Variants in CPE observed in about 807,000 individuals in gnomAD.
The protein encoded by CPE is carbocypeptidase E.
A neutral mutation model predicts 53.5 loss-of-function variants in CPE; 17 were observed. The ratio of observed to expected loss-of-function variants is 0.32; its 90% confidence interval spans 0.22 to 0.48. The LOEUF is 0.48. CPE is among the 20% of genes least tolerant of loss of function. The pLI, the probability that CPE is intolerant of heterozygous loss-of-function variation, is 0.99. For missense variants in CPE, 524 were observed against 614.7 expected (o/e 0.85, Z 1.56); for synonymous variants, 226 against 228.8 (o/e 0.99, Z 0.11).
intron 1 of CPE, among the ~76,000 whole-genome samples, chr4:165,456,983 C>T (rs1242284093): frequency 1.3e-5 from 2 of 152,092 alleles, no homozygotes; most frequent in African/African-American, 4.8e-5. Context: ...TCGTGATCCA[C>T]CCGCCACTGC....
chr4:165,420,981 T>C (rs750081389), intron 1 of CPE, among the ~76,000 whole-genome samples: 2 of 152,232 alleles, frequency 1.3e-5, no homozygotes, highest in Non-Finnish European at 1.5e-5. Context: ...TTCTCTATTT[T>C]ATATAAATTT....
chr4:165,482,956 G>C (rs979892204), intron 4 of CPE, among the ~76,000 whole-genome samples: 2 of 151,758 alleles, frequency 1.3e-5, no homozygotes, highest in Admixed American at 6.6e-5. Context: ...TATTTTCTGG[G>C]GCCTTTGAAG....
intron 2 of CPE, among the ~76,000 whole-genome samples, chr4:165,466,203 T>G (rs959326503): frequency 6.6e-6 from 1 of 152,218 alleles, no homozygotes; most frequent in Non-Finnish European, 1.5e-5. Flanking sequence ...GCTACAAGTC[T>G]GTACAGCATG....
chr4:165,395,309 C>A (rs1448828284), intron 1 of CPE, among the ~76,000 whole-genome samples: 1 of 152,044 alleles, frequency 6.6e-6, no homozygotes. Flanking sequence ...ATTATTCAGA[C>A]AATTGCTTTA....
At chr4:165,475,546 CAA>C (rs1732283434) in intron 3 of CPE, among the ~76,000 whole-genome samples, 1 of 152,324 alleles carries the variant, frequency 6.6e-6, no homozygotes, top group African/African-American at 2.4e-5. Context: ...TGAAAGCAAA[CAA>C]GAGGCAGGCT....
intron 7 of CPE, among the ~76,000 whole-genome samples, chr4:165,494,309 G>A (rs61059174): frequency 0.029 from 4,484 of 152,262 alleles, 204 homozygotes; most frequent in African/African-American, 0.097. Context: ...ATTCCATGAT[G>A]TGAAATGTTT....
chr4:165,392,525 ATAT>A (rs202049714), intron 1 of CPE, among the ~76,000 whole-genome samples: 1,719 of 145,640 alleles, frequency 0.012, 15 homozygotes, highest in African/African-American at 0.028. Flanking sequence ...ATATATGTAT[ATAT>A]TATATTAAAT....
At chr4:165,404,497 T>C (rs1730921757) in intron 1 of CPE, 2 of 797,082 alleles carry the variant, frequency 2.5e-6, no homozygotes, top group Non-Finnish European at 2.3e-6. Context: ...ACACCATCTA[T>C]GTCAGTAGTT....
chr4:165,487,296 G>T (rs1413523696), intron 5 of CPE, 142 bp from the exon 6 acceptor site: 2 of 1,088,634 alleles, frequency 1.8e-6, no homozygotes, highest in Non-Finnish European at 2.6e-6. Context: ...TACAGCAGAT[G>T]ATTTCCCTTA....
intron 1 of CPE, among the ~76,000 whole-genome samples, chr4:165,442,298 C>T (rs1196974273): frequency 6.6e-6 from 1 of 152,060 alleles, no homozygotes; most frequent in African/African-American, 2.4e-5. Context: ...CCTGCCTCAG[C>T]CTCTCAAAGT....
intron 1 of CPE, among the ~76,000 whole-genome samples, chr4:165,414,909 G>C (rs1017216756): frequency 6.6e-6 from 1 of 151,066 alleles, no homozygotes; most frequent in Admixed American, 6.6e-5. Flanking sequence ...CAAAATGCCA[G>C]ATTGGAAAAA....
At chr4:165,456,739 ATT>A (rs35855408) in intron 1 of CPE, among the ~76,000 whole-genome samples, 9 of 101,184 alleles carry the variant, frequency 8.9e-5, no homozygotes, top group Non-Finnish European at 1.1e-4. Flanking sequence ...TGCCCAGCTA[ATT>A]TTTTTTTTTT....
In CPE at chr4:165,482,376, C is replaced by T. The variant is rs1448185898; in HGVS notation, c.790+17C>T. On this transcript the variant is annotated intron_variant, in intron 4 of 8. Coordinates refer to ENST00000402744, the MANE Select transcript of CPE (RefSeq NM_001873.4). Reference sequence around the variant, plus strand: ...CGCGGAGTGGTAGGTATTCTTTCTGCTTCTCTTATTGGTTCAAAGTTTATA... The same window carrying T: ...CGCGGAGTGGTAGGTATTCTTTCTGTTTCTCTTATTGGTTCAAAGTTTATA... The T allele has an allele frequency of 1.3e-6, 2 of 1,536,088 alleles. No homozygotes were observed. Among genetic ancestry groups the T allele is most frequent in the South Asian group, 1.1e-5 (1 of 89,126 alleles).
intron 3 of CPE, among the ~76,000 whole-genome samples, chr4:165,476,199 G>A (rs914340548): frequency 1.3e-5 from 2 of 152,166 alleles, no homozygotes; most frequent in African/African-American, 4.8e-5. Flanking sequence ...AGGAAGTAAA[G>A]TACACTTGGA....
intron 1 of CPE, among the ~76,000 whole-genome samples, chr4:165,385,097 A>T (rs1730568565): frequency 6.6e-6 from 1 of 152,186 alleles, no homozygotes; most frequent in Non-Finnish European, 1.5e-5. Context: ...TTCCTTGTGT[A>T]TGACAAGGGA....
chr4:165,458,438 G>C (rs534150718), intron 1 of CPE, among the ~76,000 whole-genome samples: 3 of 152,248 alleles, frequency 2.0e-5, no homozygotes, highest in South Asian at 4.1e-4. Context: ...ACTTCCAAAT[G>C]AATTAGTGCA....
chr4:165,424,442 A>C (rs1731282773), intron 1 of CPE, among the ~76,000 whole-genome samples: 1 of 151,818 alleles, frequency 6.6e-6, no homozygotes, highest in South Asian at 2.1e-4. Flanking sequence ...GTTTGATTTT[A>C]TTATTTTTAT....
chr4:165,382,328 C>G (rs28436960), intron 1 of CPE, among the ~76,000 whole-genome samples: 115 of 152,322 alleles, frequency 7.5e-4, no homozygotes, highest in African/African-American at 2.6e-3. Flanking sequence ...TCTGTCTTCA[C>G]TAGGACCCCT....
At chr4:165,451,916 G>A (rs72976126) in intron 1 of CPE, among the ~76,000 whole-genome samples, 2,101 of 150,950 alleles carry the variant, frequency 0.014, 35 homozygotes, top group African/African-American at 0.037. Flanking sequence ...GCCACGTACC[G>A]CCCCCCCAAC....
Sources: gnomAD v4.1 joint callset for allele counts (sites outside exome capture counted in the v4.1 genomes callset) on GRCh38, gnomAD v4.1.1 for gene constraint, MANE v1.5 for transcripts, NCBI Gene and HGNC (gene_info 2026-07-23, HGNC 2026-07-21) for gene names.